TGFB3: variants seen among roughly 807,000 people sequenced by gnomAD.
TGFB3 encodes transforming growth factor beta 3, also known as transforming growth factor beta-3 proprotein.
Under a neutral mutation model 40.1 loss-of-function variants are expected in TGFB3, and 5 were observed. The observed-to-expected ratio is 0.12, with a 90% CI of 0.07 to 0.26. TGFB3 has a LOEUF of 0.26. TGFB3 is among the 10% of genes least tolerant of loss of function. The pLI is 1.00. For synonymous variants in TGFB3, 184 were observed against 205.6 expected (o/e 0.89, Z 0.90); for missense variants, 373 against 530.1 (o/e 0.70, Z 2.91).
intron 3 of TGFB3, among the ~76,000 whole-genome samples, chr14:75,967,213 C>G (rs1308832021): frequency 6.6e-6 from 1 of 152,254 alleles, no homozygotes; most frequent in Non-Finnish European, 1.5e-5. Flanking sequence ...TAAAACCCAG[C>G]TCCTTTCTTC....
chr14:75,960,099 C>T (rs1438386496), intron 6 of TGFB3, among the ~76,000 whole-genome samples: 2 of 151,944 alleles, frequency 1.3e-5, no homozygotes, highest in African/African-American at 2.4e-5. Flanking sequence ...CGTGCCACCA[C>T]ACCCGGCTAA....
chr14:75,971,755 C>T lies in TGFB3; in HGVS notation c.353-37G>A, dbSNP rs781718149. The T allele has an allele frequency of 5.9e-5, 95 of 1,611,550 alleles. No individual in the cohort carries two copies. In the Middle Eastern group the frequency reaches 6.7e-4, roughly 11 times the overall value. On this transcript the variant is annotated intron_variant, in intron 1 of 6. Coordinates refer to ENST00000238682, the MANE Select transcript of TGFB3 (RefSeq NM_003239.5). This position sits in a 1 kb window ranked among gnomAD's most constrained non-coding sequence, Gnocchi z 4.5. The stretch of plus-strand genomic sequence containing the variant: ...AGCAGAGCAGAGGGCACAGCATGAG[C>T]GAGACATGCAGGAACAGTGTGCTGC...
At position 75,959,331 on chromosome 14, in the gene TGFB3, G is replaced by A; in HGVS notation, c.1095C>T (p.Tyr365=). 6.2e-7 allele frequency: 1 copy of A among 1,614,076 alleles called. No homozygotes were observed. Among genetic ancestry groups the A allele is most frequent in the Non-Finnish European group, 8.5e-7 (1 of 1,179,972 alleles). ...CAGATGCTTCAGGGTTCAGAGTGTT[G>A]TACAGTCCCAGCACCTGGGAAGGGA... ...DTTHSTVLGL[Y]NTLNPEASAS... is the part of the protein sequence containing the mutation. The change falls in exon 7 of 7, where the codon TAC becomes TAT. Residue 365 remains tyrosine (Y), a synonymous_variant. Transcript: ENST00000238682.
chr14:75,970,985 G>C (rs947978307), intron 3 of TGFB3, 141 bp downstream of exon 3: 2 of 1,199,966 alleles, frequency 1.7e-6, no homozygotes, highest in Non-Finnish European at 1.2e-6. Flanking sequence ...TTGAGTGAAT[G>C]AATGGAGGAT....
Position 75,980,470 on chromosome 14 carries a change from C to G in TGFB3, c.352+72G>C, listed in dbSNP as rs1030456354. 2.6e-5 allele frequency: 38 copies of G among 1,487,360 alleles called. No individual in the cohort carries two copies. The highest frequency in any genetic ancestry group is 3.4e-5 in the Non-Finnish European group (36 of 1,065,604). The allele number at this position is 1,487,360 out of a possible 1,614,324, so 92.1% of individuals were successfully genotyped here. A position where few individuals can be genotyped will look rare whatever the true frequency, so the allele number is the denominator to read the frequency against. On this transcript the variant is annotated intron_variant, in intron 1 of 6. Coordinates refer to ENST00000238682, the MANE Select transcript of TGFB3 (RefSeq NM_003239.5). This position sits in a 1 kb window ranked among gnomAD's most constrained non-coding sequence, Gnocchi z 4.3. ...CCCTGCTGTGTGGCCAGCACTAGGC[C>G]CCCCTCTGCAGAGCTCCCAGCTCCA... is the stretch of plus-strand genomic sequence containing the variant.
rs965669320 is a variant in TGFB3 at position 75,979,230 on chromosome 14, C to A, written c.352+1312G>T. ...CCTCTGCCTGGCGTGGAGCCGTGAA[C>A]GGGGCCTTTGCACCTCCAGCCAGAG... is the stretch of plus-strand genomic sequence containing the variant. On this transcript the variant is annotated intron_variant, in intron 1 of 6. Coordinates refer to ENST00000238682, the MANE Select transcript of TGFB3 (RefSeq NM_003239.5). This position sits in a 1 kb window ranked among gnomAD's most constrained non-coding sequence, Gnocchi z 4.8. 6.6e-6 allele frequency among the ~76,000 whole-genome samples: 1 copy of A among 152,188 alleles called. No homozygotes were observed. The highest frequency in any genetic ancestry group is 2.4e-5 in the African/African-American group (1 of 41,450).
rs1422583071 is a variant in TGFB3 at position 75,978,487 on chromosome 14, A to G, written c.352+2055T>C. The stretch of plus-strand genomic sequence containing the variant: ...CCTCCAAGTCACCTCCAACAGCTGC[A>G]GAGTCTGCCTGCTTCCGGTTTGTAC... On this transcript the variant is annotated intron_variant, in intron 1 of 6. Coordinates refer to ENST00000238682, the MANE Select transcript of TGFB3 (RefSeq NM_003239.5). This position sits in a 1 kb window ranked among gnomAD's most constrained non-coding sequence, Gnocchi z 5.0. Among the ~76,000 whole-genome samples the G allele has an allele frequency of 6.6e-6, 1 of 152,230 alleles. No individual in the cohort carries two copies. Among genetic ancestry groups the G allele is most frequent in the Non-Finnish European group, 1.5e-5 (1 of 68,042 alleles).
chr14:75,982,435 C>G (rs1042988149), upstream of TGFB3, among the ~76,000 whole-genome samples: 1 of 152,214 alleles, frequency 6.6e-6, no homozygotes. This position sits in a 1 kb window ranked among gnomAD's most constrained non-coding sequence, Gnocchi z 4.0. Flanking sequence ...CCATGCCAGC[C>G]TCGCAGAGGG....
At chr14:75,960,795 C>G (rs1028140269) in intron 6 of TGFB3, 128 bp downstream of exon 6, 6 of 1,293,122 alleles carry the variant, frequency 4.6e-6, no homozygotes, top group Non-Finnish European at 6.5e-6. Flanking sequence ...AGAACCTTCA[C>G]CAGAGGAATT....
Position 75,971,058 on chromosome 14 carries a change from C to A in TGFB3, c.646+68G>T. The A allele has an allele frequency of 6.2e-5, 100 of 1,604,380 alleles. No homozygotes were observed. Among genetic ancestry groups the A allele is most frequent in the Non-Finnish European group, 8.4e-5 (99 of 1,176,624 alleles). On this transcript the variant is annotated intron_variant, in intron 3 of 6. Coordinates refer to ENST00000238682, the MANE Select transcript of TGFB3 (RefSeq NM_003239.5). This position sits in a 1 kb window ranked among gnomAD's most constrained non-coding sequence, Gnocchi z 4.5. ...GACTCCCTTAATTCTGTCCTCTTCC[C>A]TCCATTTCATGGAGGACTAAGGGAC...
intron 3 of TGFB3, among the ~76,000 whole-genome samples, chr14:75,968,968 T>C (rs1331454374): frequency 6.6e-6 from 1 of 152,044 alleles, no homozygotes; most frequent in Non-Finnish European, 1.5e-5. Context: ...TAGGGAATGG[T>C]GGGGGCTGCG....
In TGFB3 at chr14:75,981,597, G is replaced by T. The variant is rs1566687665; in HGVS notation, c.-704C>A. On this transcript the variant is annotated 5_prime_UTR_variant, in exon 1 of 7. Coordinates refer to ENST00000238682, the MANE Select transcript of TGFB3 (RefSeq NM_003239.5). The surrounding 1 kb of genome is among the most constrained non-coding windows in gnomAD (Gnocchi z 4.7). ...GGGCTTTCTAAATGACTTTGTTCAC[G>T]CTGCCTCTCGTCTTCATTGGCTGGG... The T allele has an allele frequency of 6.4e-6, 1 of 155,346 alleles. No homozygotes were observed. Among genetic ancestry groups the T allele is most frequent in the Non-Finnish European group, 1.4e-5 (1 of 69,992 alleles). The allele number at this position is 155,346 out of a possible 1,614,324, so 9.6% of individuals were successfully genotyped here.
Position 75,965,641 on chromosome 14 carries a change from G to A in TGFB3, c.701C>T (p.Pro234Leu). The change falls in exon 4 of 7, where the codon CCC becomes CTC. Residue 234 changes from proline (P) to leucine (L), a missense_variant. Coordinates refer to ENST00000238682, the MANE Select transcript of TGFB3 (RefSeq NM_003239.5). ...SIHCPCHTFQ[P>L]NGDILENIHE... ...AATGTTTTCCAGGATATCTCCATTGGGCTGAAAGGTGTGACATGGACAGTG... is the reference window on the plus strand; with the variant it reads ...AATGTTTTCCAGGATATCTCCATTGAGCTGAAAGGTGTGACATGGACAGTG... 6.2e-7 allele frequency: 1 copy of A among 1,614,096 alleles called. No individual in the cohort carries two copies. Among genetic ancestry groups the A allele is most frequent in the Non-Finnish European group, 8.5e-7 (1 of 1,180,012 alleles).
rs1357736678 is a variant in TGFB3, at chr14:75,981,029, T to G, written c.-136A>C. The G allele has an allele frequency of 2.6e-6, 2 of 779,482 alleles. No homozygotes were observed. Among genetic ancestry groups the G allele is most frequent in the Middle Eastern group, 3.5e-4 (1 of 2,890 alleles). 48.3% of individuals were successfully genotyped at this position (779,482 alleles called of 1,614,324 possible). A position where few individuals can be genotyped will look rare whatever the true frequency, so the allele number is the denominator to read the frequency against. On this transcript the variant is annotated 5_prime_UTR_variant, in exon 1 of 7. It removes an upstream start codon present in the reference 5' UTR. Coordinates refer to ENST00000238682, the MANE Select transcript of TGFB3 (RefSeq NM_003239.5). This position sits in a 1 kb window ranked among gnomAD's most constrained non-coding sequence, Gnocchi z 4.7. ...GACTGAGGCTTGGCAAGAAGGTGCA[T>G]GAACTCACTGCACTGCGAGAGCTTC...
rs759202911 is a variant in TGFB3 at position 75,971,752 on chromosome 14, G to C, written c.353-34C>G. On this transcript the variant is annotated intron_variant, in intron 1 of 6. Coordinates refer to ENST00000238682, the MANE Select transcript of TGFB3 (RefSeq NM_003239.5). This position sits in a 1 kb window ranked among gnomAD's most constrained non-coding sequence, Gnocchi z 4.5. Reference sequence around the variant, plus strand: ...TAAAGCAGAGCAGAGGGCACAGCATGAGCGAGACATGCAGGAACAGTGTGC... The same window carrying C: ...TAAAGCAGAGCAGAGGGCACAGCATCAGCGAGACATGCAGGAACAGTGTGC... 5.0e-6 allele frequency: 8 copies of C among 1,612,402 alleles called. No individual in the cohort carries two copies. Among genetic ancestry groups the C allele is most frequent in the Non-Finnish European group, 6.8e-6 (8 of 1,179,226 alleles).
Position 75,971,439 on chromosome 14 carries a change from C to T in TGFB3, c.516+116G>A, listed in dbSNP as rs1335143613. ...AGACACAGATACGGAAACGAAGGCT[C>T]AGAGAAGCCAGGATTCAAACCCAGG... On this transcript the variant is annotated intron_variant, in intron 2 of 6. Transcript: ENST00000238682. The surrounding 1 kb of genome is among the most constrained non-coding windows in gnomAD (Gnocchi z 4.5). 6.5e-7 allele frequency: 1 copy of T among 1,540,834 alleles called. No homozygotes were observed. The highest frequency in any genetic ancestry group is 8.8e-7 in the Non-Finnish European group (1 of 1,131,450).
Position 75,958,883 on chromosome 14 carries a change from A to T in TGFB3, c.*304T>A. ...GTAGCCCAAATCCCATTGCCACACA[A>T]CATCTCAACTTACCATCCCTTTCCT... On this transcript the variant is annotated 3_prime_UTR_variant, in exon 7 of 7. Transcript: ENST00000238682. 1 of 397,020 alleles carries T rather than the reference A, an allele frequency of 2.5e-6. No homozygotes were observed. Among genetic ancestry groups the T allele is most frequent in the Non-Finnish European group, 4.8e-6 (1 of 208,260 alleles). The allele number at this position is 397,020 out of a possible 1,614,324, so 24.6% of individuals were successfully genotyped here.
At chr14:75,961,885 G>A (rs963197208) in intron 5 of TGFB3, among the ~76,000 whole-genome samples, 15 of 152,270 alleles carry the variant, frequency 9.9e-5, no homozygotes, top group African/African-American at 3.1e-4. Context: ...TGAGAGTAGC[G>A]GTGGTCATGT....
intron 4 of TGFB3, among the ~76,000 whole-genome samples, chr14:75,963,822 C>A (rs2035189155): frequency 6.6e-6 from 1 of 152,186 alleles, no homozygotes; most frequent in Non-Finnish European, 1.5e-5. Context: ...TATGAAGCAT[C>A]CCTGTTACTA....
Sources: gnomAD v4.1 joint callset for allele counts (sites outside exome capture counted in the v4.1 genomes callset) on GRCh38, gnomAD v4.1.1 for gene constraint, Gnocchi (gnomAD v3.1) non-coding constraint, MANE v1.5 for transcripts, NCBI Gene and HGNC (gene_info 2026-07-23, HGNC 2026-07-21) for gene names.